The following DACH1 variants were observed in gnomAD, a reference collection of about 807,000 sequenced individuals.
DACH1 encodes dachshund homolog 1.
A neutral mutation model predicts 54.2 loss-of-function variants in DACH1; 12 were observed. That is an observed-to-expected ratio of 0.22 (90% CI 0.14 to 0.36). The LOEUF (loss-of-function observed/expected upper bound fraction) is 0.36, where lower values mean the gene tolerates loss of function less well. Among genes scored for constraint, DACH1 ranks in the 10% least tolerant of loss-of-function variants. The pLI is 1.00. For missense variants in DACH1, 805 were observed against 929.8 expected, an observed-to-expected ratio of 0.87 and a Z score of 1.75; for synonymous variants, 386 against 366.2, an observed-to-expected ratio of 1.05 and a Z score of -0.62.
At chr13:71,456,900 C>T (rs1254558888) in intron 10 of DACH1, among the ~76,000 whole-genome samples, 1 of 151,954 alleles carries the variant, frequency 6.6e-6, no homozygotes, top group East Asian at 1.9e-4. Context: ...AAATTCTAAA[C>T]GTTGCAGCCC....
intron 1 of DACH1, among the ~76,000 whole-genome samples, chr13:71,795,842 T>C (rs986935595): frequency 1.3e-5 from 2 of 152,172 alleles, no homozygotes; most frequent in African/African-American, 4.8e-5. Context: ...TTTAAAAAAA[T>C]GCATGTACAT....
intron 2 of DACH1, among the ~76,000 whole-genome samples, chr13:71,643,867 CAAAG>C (rs899580194): frequency 7.3e-5 from 11 of 151,574 alleles, no homozygotes; most frequent in African/African-American, 2.7e-4. Flanking sequence ...AAAAAAAAGA[CAAAG>C]AGAGATTGTC....
chr13:71,821,447 A>ATTCTAAGATTTTAAATTTAAATTTAAT, intron 1 of DACH1, among the ~76,000 whole-genome samples: 1 of 149,864 alleles, frequency 6.7e-6, no homozygotes. Flanking sequence ...TTAAATTTAA[A>ATTCTAAGATTTTAAATTTAAATTTAAT]TTCTAAGATT....
chr13:71,489,193 T>C, intron 6 of DACH1, 45 bp from the exon 7 acceptor site: 1 of 1,584,320 alleles, frequency 6.3e-7, no homozygotes, highest in Non-Finnish European at 8.6e-7. Flanking sequence ...TACGCTTGTC[T>C]GTTTTTATTA....
chr13:71,773,849 C>T (rs1885957172), intron 1 of DACH1, among the ~76,000 whole-genome samples: 3 of 151,734 alleles, frequency 2.0e-5, no homozygotes, highest in African/African-American at 7.3e-5. Context: ...AAATAGCGTA[C>T]AAATAATCTT....
chr13:71,463,152 C>G (rs1876249464), intron 10 of DACH1, among the ~76,000 whole-genome samples: 1 of 151,914 alleles, frequency 6.6e-6, no homozygotes, highest in Non-Finnish European at 1.5e-5. Flanking sequence ...GTTAATTTTA[C>G]TCATTTTAAA....
intron 3 of DACH1, among the ~76,000 whole-genome samples, chr13:71,609,527 C>A (rs1337686131): frequency 6.7e-6 from 1 of 148,914 alleles, no homozygotes; most frequent in Admixed American, 6.6e-5. Context: ...AAAGTTAAAA[C>A]CCTTAGAAGT....
intron 6 of DACH1, among the ~76,000 whole-genome samples, chr13:71,522,397 C>T (rs9599853): frequency 0.028 from 4,263 of 151,972 alleles, 85 homozygotes; most frequent in Admixed American, 0.047. Flanking sequence ...ACCACCACGC[C>T]GCACCTCCCT....
At chr13:71,847,179 T>C (rs1873338589) in intron 1 of DACH1, among the ~76,000 whole-genome samples, 1 of 152,190 alleles carries the variant, frequency 6.6e-6, no homozygotes, top group African/African-American at 2.4e-5. Context: ...GAATTAGACA[T>C]CTTGTAATAT....
chr13:71,564,473 GAA>G (rs200872404), intron 4 of DACH1, among the ~76,000 whole-genome samples: 6 of 123,426 alleles, frequency 4.9e-5, no homozygotes, highest in Non-Finnish European at 7.0e-5. Context: ...CTCTTTCACT[GAA>G]AAAAAAAAAA....
chr13:71,719,383 C>T (rs1339173140), intron 1 of DACH1, among the ~76,000 whole-genome samples: 1 of 152,130 alleles, frequency 6.6e-6, no homozygotes, highest in Non-Finnish European at 1.5e-5. Context: ...TACCAAGCCT[C>T]TTCTTTTGGT....
At chr13:71,623,518 C>A (rs1876404825) in intron 3 of DACH1, among the ~76,000 whole-genome samples, 1 of 151,622 alleles carries the variant, frequency 6.6e-6, no homozygotes, top group South Asian at 2.1e-4. Flanking sequence ...CAATACTTAT[C>A]CATCATATAA....
At chr13:71,721,634 G>C (rs528786483) in intron 1 of DACH1, among the ~76,000 whole-genome samples, 1 of 151,990 alleles carries the variant, frequency 6.6e-6, no homozygotes. Context: ...TAATAAAAAA[G>C]GACTAGTCCT....
rs751897642 is a variant in DACH1, at chr13:71,489,122, C to A, written c.1597G>T (p.Ala533Ser). The A allele has an allele frequency of 5.0e-6, 8 of 1,613,026 alleles. No homozygotes were observed. The highest frequency in any genetic ancestry group is 1.1e-5 in the South Asian group (1 of 90,994). Residue 533 changes from alanine (A) to serine (S), a missense_variant, in exon 7 of 11, where the codon GCA becomes TCA. Coordinates refer to ENST00000613252, the MANE Select transcript of DACH1 (RefSeq NM_080759.6). ...KDETPLSTPT[A>S]RDSLDKLSLT... ...GAGAGTTTGTCAAGGCTGTCTCTTG[C>A]GGTTGGTGTAGAAAGCGGGGTCTCA...
At chr13:71,689,615 A>C (rs924000689) in intron 1 of DACH1, among the ~76,000 whole-genome samples, 12 of 152,190 alleles carry the variant, frequency 7.9e-5, no homozygotes, top group African/African-American at 2.7e-4. Flanking sequence ...ATAGTACAAG[A>C]AATTTATTTA....
At chr13:71,862,630 T>G (rs1302230100) in intron 1 of DACH1, among the ~76,000 whole-genome samples, 2 of 152,080 alleles carry the variant, frequency 1.3e-5, no homozygotes, top group Non-Finnish European at 1.5e-5. Flanking sequence ...CTTGTGGTAA[T>G]GACAGATGGC....
chr13:71,559,628 G>A (rs1384484383), intron 5 of DACH1, among the ~76,000 whole-genome samples, 192 bp downstream of exon 5: 1 of 152,024 alleles, frequency 6.6e-6, no homozygotes, highest in African/African-American at 2.4e-5. Flanking sequence ...TTTATATCAG[G>A]ACCTGTTAAT....
chr13:71,766,178 G>A (rs1290658381), intron 1 of DACH1, among the ~76,000 whole-genome samples: 4 of 152,058 alleles, frequency 2.6e-5, no homozygotes, highest in South Asian at 4.1e-4. Context: ...GAGCCACCAC[G>A]CCTGGCCTCA....
chr13:71,796,716 C>T lies in DACH1; in HGVS notation c.848+69206G>A, dbSNP rs576518053. The stretch of plus-strand genomic sequence containing the variant: ...GAAAATCACATAGAGACACATCACA[C>T]ACTTTGTATAAAAGACAAGTAATAT... On this transcript the variant is annotated intron_variant, in intron 1 of 10. Coordinates refer to ENST00000613252, the MANE Select transcript of DACH1 (RefSeq NM_080759.6). Among the ~76,000 whole-genome samples, 12 of 152,178 alleles carry T rather than the reference C, an allele frequency of 7.9e-5. No individual in the cohort carries two copies. In the South Asian group the frequency reaches 2.5e-3, roughly 32 times the overall value.
Sources: gnomAD v4.1 joint callset for allele counts (sites outside exome capture counted in the v4.1 genomes callset) on GRCh38, gnomAD v4.1.1 for gene constraint, MANE v1.5 for transcripts, NCBI Gene and HGNC (gene_info 2026-07-23, HGNC 2026-07-21) for gene names.